ACACA: variants seen among roughly 807,000 people sequenced by gnomAD.
ACACA encodes acetyl-CoA carboxylase alpha, also known as acetyl-CoA carboxylase 1.
A neutral mutation model predicts 296.1 loss-of-function variants in ACACA; 103 were observed. The ratio of observed to expected loss-of-function variants is 0.35; its 90% CI spans 0.30 to 0.41. The LOEUF is 0.41. Ranked by LOEUF, ACACA falls within the 10% of genes least tolerant of loss-of-function variation. ACACA has a pLI of 1.00. For synonymous variants in ACACA, 953 were observed against 1,038.6 expected (o/e 0.92, Z 1.58); for missense variants, 1,554 against 2,989.7 (o/e 0.52, Z 11.20).
intron 39 of ACACA, among the ~76,000 whole-genome samples, chr17:37,187,170 T>C (rs1376242492): frequency 6.6e-6 from 1 of 152,196 alleles, no homozygotes; most frequent in African/African-American, 2.4e-5. Flanking sequence ...TGTTTTTAAC[T>C]GCTCACTTCT....
chr17:37,331,000 CTT>C (rs1268401214), intron 2 of ACACA, among the ~76,000 whole-genome samples: 3 of 152,164 alleles, frequency 2.0e-5, no homozygotes, highest in Non-Finnish European at 2.9e-5. Flanking sequence ...GCCTCAAACT[CTT>C]TGGGCTCAAG....
intron 1 of ACACA, among the ~76,000 whole-genome samples, chr17:37,395,302 C>T (rs1371415581): frequency 1.3e-5 from 2 of 151,640 alleles, no homozygotes; most frequent in Non-Finnish European, 2.9e-5. Context: ...TGGTGGCAGG[C>T]GCCTGTAATC....
chr17:37,341,075 A>C (rs996502478), intron 1 of ACACA, among the ~76,000 whole-genome samples: 2 of 152,128 alleles, frequency 1.3e-5, no homozygotes, highest in Admixed American at 6.6e-5. Flanking sequence ...CCATCTCAAA[A>C]ATAAATAAAT....
At position 37,087,493 on chromosome 17, in the gene ACACA, G is replaced by C. The variant is rs563058455; in HGVS notation, c.7029-54C>G. On this transcript the variant is annotated intron_variant, in intron 55 of 55. Coordinates refer to ENST00000616317, the MANE Select transcript of ACACA (RefSeq NM_198834.3). ...AAAAGAGAAGCAGAAGTGTCTAGAT[G>C]AGGACAGCTAAAGAACTGCCCAATA... 10 of 1,610,072 alleles carry C rather than the reference G, an allele frequency of 6.2e-6. 1 individual carries two copies. In the South Asian group the frequency reaches 1.1e-4, roughly 18 times the overall value.
At chr17:37,333,265 A>G (rs1317941714) in intron 2 of ACACA, among the ~76,000 whole-genome samples, 1 of 152,182 alleles carries the variant, frequency 6.6e-6, no homozygotes, top group African/African-American at 2.4e-5. Context: ...CCTATCAAAC[A>G]TCGGGAAGCC....
At chr17:37,373,012 C>T (rs940401910) in intron 1 of ACACA, among the ~76,000 whole-genome samples, 1 of 152,038 alleles carries the variant, frequency 6.6e-6, no homozygotes, top group Non-Finnish European at 1.5e-5. Context: ...TCCCAAGTAG[C>T]TGGGACTATA....
intron 39 of ACACA, among the ~76,000 whole-genome samples, chr17:37,185,662 G>A (rs1385340271): frequency 4.0e-5 from 6 of 151,760 alleles, no homozygotes; most frequent in South Asian, 2.1e-4. Flanking sequence ...TCCGCCTCCC[G>A]GGTTCTAGCA....
At position 37,341,387 on chromosome 17, in the gene ACACA, A is replaced by G. The variant is rs139199618; in HGVS notation, c.39-1537T>C. ...TGTAAATGACATTTTATTATGAGGT[A>G]TGTCAAAAAAAGTCTTAAAGCGGCC... On this transcript the variant is annotated intron_variant, in intron 1 of 55. Coordinates refer to ENST00000616317, the MANE Select transcript of ACACA (RefSeq NM_198834.3). Among the ~76,000 whole-genome samples, 6 of 152,250 alleles carry G rather than the reference A, an allele frequency of 3.9e-5. No homozygotes were observed. The East Asian group carries it at 1.2e-3, about 29-fold the overall frequency.
intron 41 of ACACA, among the ~76,000 whole-genome samples, chr17:37,164,119 C>T (rs564926486): frequency 6.7e-6 from 1 of 148,524 alleles, no homozygotes; most frequent in African/African-American, 2.5e-5. Flanking sequence ...ACAAAGCCTA[C>T]CTACCAGATG....
At chr17:37,143,795 G>A in intron 45 of ACACA, 1 of 1,146,068 alleles carries the variant, frequency 8.7e-7, no homozygotes, top group Non-Finnish European at 1.3e-6. Context: ...GCTGCATCAG[G>A]CTTTCCTTTA....
chr17:37,311,900 G>A (rs1206175578), intron 3 of ACACA, among the ~76,000 whole-genome samples: 4 of 151,268 alleles, frequency 2.6e-5, no homozygotes, highest in Non-Finnish European at 5.9e-5. Context: ...GAAGAAGAAG[G>A]AGAAGAGAAA....
At position 37,277,074 on chromosome 17, in the gene ACACA, T is replaced by A; in HGVS notation, c.761A>T (p.Lys254Ile). Residue 254 changes from lysine to isoleucine, a missense_variant, in exon 7 of 56, where the codon AAA (lysine) becomes ATA (isoleucine). By Grantham distance (102) the Lys-to-Ile change is moderately radical. This residue lies in a region of ACACA where 29 missense variants were observed against 90.3 expected (regional missense o/e 0.32). Transcript: ENST00000616317. ...AGWGHASENP[K>I]LPELLLKNGI... Reference sequence around the variant, plus strand: ...ATTTTTCAAGAGAAGTTCCGGTAGTTTGGGATTCTCAGAAGCATGACCCCA... The same window carrying A: ...ATTTTTCAAGAGAAGTTCCGGTAGTATGGGATTCTCAGAAGCATGACCCCA... 6.2e-7 allele frequency: 1 copy of A among 1,614,114 alleles called. No homozygotes were observed. The highest frequency in any genetic ancestry group is 8.5e-7 in the Non-Finnish European group (1 of 1,180,002).
chr17:37,112,662 C>T (rs902677691), intron 51 of ACACA, among the ~76,000 whole-genome samples: 11 of 152,118 alleles, frequency 7.2e-5, no homozygotes, highest in African/African-American at 2.7e-4. Context: ...CCTAAGCAGC[C>T]TTTGACATAG....
At chr17:37,305,261 C>A (rs1361073846) in intron 3 of ACACA, among the ~76,000 whole-genome samples, 2 of 152,142 alleles carry the variant, frequency 1.3e-5, no homozygotes, top group Non-Finnish European at 2.9e-5. Flanking sequence ...ATTGTTGTTA[C>A]TAGTTTGTTT....
chr17:37,371,279 A>G (rs2049796756), intron 1 of ACACA, among the ~76,000 whole-genome samples: 1 of 151,698 alleles, frequency 6.6e-6, no homozygotes, highest in Non-Finnish European at 1.5e-5. Flanking sequence ...GGGTTTCTCC[A>G]TGTTGGTCAG....
chr17:37,143,564 T>C, intron 45 of ACACA: 2 of 595,970 alleles, frequency 3.4e-6, no homozygotes, highest in Non-Finnish European at 5.7e-6. Context: ...CACCATACAG[T>C]TTAAAAAAAT....
chr17:37,111,728 G>T, intron 51 of ACACA, 85 bp from the exon 52 acceptor site: 1 of 1,009,786 alleles, frequency 9.9e-7, no homozygotes, highest in Non-Finnish European at 1.6e-6. Context: ...GTTACAATTT[G>T]TAGACCAGGA....
At chr17:37,128,544 T>G (rs2074938525) in intron 47 of ACACA, among the ~76,000 whole-genome samples, 1 of 152,240 alleles carries the variant, frequency 6.6e-6, no homozygotes, top group Non-Finnish European at 1.5e-5. Context: ...GAACAAATGC[T>G]TCCTCACATA....
intron 1 of ACACA, among the ~76,000 whole-genome samples, chr17:37,359,825 T>G (rs1031855915): frequency 3.3e-5 from 5 of 151,978 alleles, no homozygotes; most frequent in African/African-American, 1.2e-4. Context: ...CCCGTTTCGC[T>G]CCTCAGCCCC....
Sources: allele counts gnomAD v4.1 joint callset (sites outside exome capture counted in the v4.1 genomes callset), GRCh38; gene constraint gnomAD v4.1.1; regional missense constraint gnomAD v4.1.1; transcripts MANE v1.5; gene names NCBI Gene and HGNC (gene_info 2026-07-23, HGNC 2026-07-21).